Variants in MICALL2 observed in about 807,000 individuals in gnomAD.
The protein encoded by MICALL2 is MICAL-like protein 2.
Under a neutral mutation model 91.1 loss-of-function variants are expected in MICALL2, and 111 were observed. The ratio of observed to expected loss-of-function variants is 1.22; its 90% CI spans 1.04 to 1.43. The LOEUF is 1.43. Among genes scored for constraint, MICALL2 ranks in the 40% most tolerant of loss-of-function variants. MICALL2 has a pLI of 0.00. For missense variants in MICALL2, 1,556 were observed against 1,236.0 expected (o/e 1.26, Z -3.88); for synonymous variants, 694 against 525.3 (o/e 1.32, Z -4.39).
intron 9 of MICALL2, 187 bp from the exon 10 acceptor site, chr7:1,439,182 C>T (rs1780137295): frequency 1.8e-6 from 1 of 564,612 alleles, no homozygotes; most frequent in African/African-American, 1.9e-5. Flanking sequence ...CCATGTCTCC[C>T]CAGGGGGCTA....
intron 2 of MICALL2, 72 bp from the exon 3 acceptor site, chr7:1,448,833 T>G: frequency 1.9e-6 from 3 of 1,571,902 alleles, no homozygotes; most frequent in Non-Finnish European, 2.6e-6. Context: ...GCAGCTCACC[T>G]CGACTCAAAG....
Position 1,437,893 on chromosome 7 carries a change from T to C in MICALL2, c.2399A>G (p.Tyr800Cys), listed in dbSNP as rs1007853427. Reference protein sequence around the residue: ...LLLRQESELMYKSKAQRLEEQ... With the variant: ...LLLRQESELMCKSKAQRLEEQ... ...GGGCCCACGGCTGGGCTCTCACTTGTACATCAGCTCTGACTCCTGTCTCAG... is the reference window on the plus strand; with the variant it reads ...GGGCCCACGGCTGGGCTCTCACTTGCACATCAGCTCTGACTCCTGTCTCAG... The change falls in exon 13 of 17, where the codon TAC (tyrosine) becomes TGC (cysteine). Residue 800 changes from tyrosine to cysteine, a missense_variant. Tyr to Cys is a radical substitution (Grantham distance 194, BLOSUM62 -2). Coordinates refer to ENST00000297508, the MANE Select transcript of MICALL2 (RefSeq NM_182924.4). 2 of 1,548,888 alleles carry C rather than the reference T, an allele frequency of 1.3e-6. No individual in the cohort carries two copies. The highest frequency in any genetic ancestry group is 1.7e-6 in the Non-Finnish European group (2 of 1,146,748).
At chr7:1,435,919 G>A (rs1024138944) in intron 15 of MICALL2, among the ~76,000 whole-genome samples, 7 of 151,910 alleles carry the variant, frequency 4.6e-5, no homozygotes, top group Non-Finnish European at 1.0e-4. Flanking sequence ...GGGTGTGGTG[G>A]CGGGCGCCTG....
intron 1 of MICALL2, among the ~76,000 whole-genome samples, chr7:1,453,360 G>A (rs987654755): frequency 2.6e-5 from 4 of 152,238 alleles, no homozygotes; most frequent in African/African-American, 7.2e-5. Flanking sequence ...AGGGGAAGAG[G>A]ATGTGAAGGC....
At chr7:1,440,222 T>TG in intron 8 of MICALL2, 137 bp from the exon 9 acceptor site, 1 of 1,015,988 alleles carries the variant, frequency 9.8e-7, no homozygotes, top group South Asian at 1.6e-5. Context: ...CCCAGCCCAC[T>TG]GACTACACCT....
rs1562473937 is a variant in MICALL2, at chr7:1,459,357, C to A, written c.-31G>T. On this transcript the variant is annotated 5_prime_UTR_variant, in exon 1 of 17. Coordinates refer to ENST00000297508, the MANE Select transcript of MICALL2 (RefSeq NM_182924.4). ...CGGCGCGCCCGCCGCGCGGCGGAAC[C>A]GCCCTCCGACACCTTCCCGCGGCTG... 2 of 1,476,010 alleles carry A rather than the reference C, an allele frequency of 1.4e-6. No individual in the cohort carries two copies. The highest frequency in any genetic ancestry group is 1.5e-5 in the African/African-American group (1 of 67,918). The allele number at this position is 1,476,010 out of a possible 1,614,324, so 91.4% of individuals were successfully genotyped here.
Position 1,440,619 on chromosome 7 carries a change from G to C in MICALL2, c.1777C>G (p.Pro593Ala). 6.2e-7 allele frequency: 1 copy of C among 1,612,714 alleles called. No individual in the cohort carries two copies. The highest frequency in any genetic ancestry group is 8.5e-7 in the Non-Finnish European group (1 of 1,179,950). Residue 593 changes from proline to alanine, a missense_variant, in exon 8 of 17, where the codon CCC becomes GCC. Transcript: ENST00000297508. ...GPAGWRANLK[P>A]VDRRSPAERT... is the part of the protein sequence containing the mutation. ...TCAGCTGGGCTTCTCCTGTCCACGGGCTTCAGATTCGCTCTCCATCCTGCC... is the reference window on the plus strand; with the variant it reads ...TCAGCTGGGCTTCTCCTGTCCACGGCCTTCAGATTCGCTCTCCATCCTGCC...
intron 1 of MICALL2, among the ~76,000 whole-genome samples, chr7:1,454,684 C>T (rs1780951211): frequency 6.6e-6 from 1 of 152,216 alleles, no homozygotes; most frequent in Non-Finnish European, 1.5e-5. Flanking sequence ...CAAGCAGCTT[C>T]CTGCTGACCC....
rs902814803 is a variant in MICALL2 at position 1,442,427 on chromosome 7, T to C, written c.1476A>G (p.Gln492=). 2.0e-5 allele frequency: 32 copies of C among 1,568,236 alleles called. No homozygotes were observed. The highest frequency in any genetic ancestry group is 5.4e-5 in the African/African-American group (4 of 73,762). Residue 492 remains glutamine, a synonymous_variant, in exon 7 of 17, where the codon CAA becomes CAG. Coordinates refer to ENST00000297508, the MANE Select transcript of MICALL2 (RefSeq NM_182924.4). The part of the protein sequence containing the change: ...PSSQPKTEAP[Q]ASPLAKPLQS... ...GTAACGGCTTGGCTAAGGGACTTGC[T>C]TGTGGTGCTTCAGTTTTGGGCTGAG...
intron 1 of MICALL2, among the ~76,000 whole-genome samples, chr7:1,456,123 C>A (rs373619918): frequency 1.3e-4 from 19 of 151,998 alleles, no homozygotes; most frequent in African/African-American, 3.9e-4. Context: ...GAGGCAGGCA[C>A]GTCCAAAGAG....
intron 8 of MICALL2, 36 bp from the exon 9 acceptor site, chr7:1,440,121 C>G (rs1322225917): frequency 1.3e-6 from 2 of 1,556,410 alleles, no homozygotes. Context: ...CCCGAACCAC[C>G]AGCCCCAGGG....
intron 15 of MICALL2, among the ~76,000 whole-genome samples, chr7:1,436,335 T>C (rs1779962685): frequency 6.6e-6 from 1 of 151,396 alleles, no homozygotes; most frequent in Admixed American, 6.6e-5. Flanking sequence ...TGAGCCAAGA[T>C]CGCACCACTA....
chr7:1,435,059 C>T, intron 16 of MICALL2, 42 bp downstream of exon 16: 1 of 1,606,974 alleles, frequency 6.2e-7, no homozygotes, highest in South Asian at 1.1e-5. Context: ...CCCGGCCCAC[C>T]CAGCCAGCCA....
chr7:1,446,060 GAC>G (rs1780561724), intron 5 of MICALL2, among the ~76,000 whole-genome samples: 1 of 143,870 alleles, frequency 7.0e-6, no homozygotes, highest in African/African-American at 2.6e-5. Flanking sequence ...GGCACTGGGG[GAC>G]ACTGGGGCTT....
rs896181524 is a variant in MICALL2 at position 1,441,965 on chromosome 7, C to T, written c.1711+227G>A. 5 of 589,240 alleles carry T rather than the reference C, an allele frequency of 8.5e-6. No homozygotes were observed. The African/African-American group carries it at 9.4e-5, about 11-fold the overall frequency. 36.5% of individuals were successfully genotyped at this position (589,240 alleles called of 1,614,324 possible). On this transcript the variant is annotated intron_variant, in intron 7 of 16. Coordinates refer to ENST00000297508, the MANE Select transcript of MICALL2 (RefSeq NM_182924.4). ...CTGCAGGACGTGCGGATGGGGTGGGCTGGGTGCCGGCAAACAGCATAGCCC... is the reference window on the plus strand; with the variant it reads ...CTGCAGGACGTGCGGATGGGGTGGGTTGGGTGCCGGCAAACAGCATAGCCC...
intron 1 of MICALL2, among the ~76,000 whole-genome samples, chr7:1,457,897 G>C (rs1022252080): frequency 6.6e-6 from 1 of 152,232 alleles, no homozygotes. Flanking sequence ...TCCCCATTCC[G>C]GGTCCTTCTC....
chr7:1,447,619 C>G lies in MICALL2; in HGVS notation c.481G>C (p.Val161Leu). ...PLSPAQTNPVVQRRNEGAGGP... is the reference protein window; with the variant it reads ...PLSPAQTNPVLQRRNEGAGGP... ...CCTGCACCCTCATTCCTCCTCTGGA[C>G]CACAGGGTTTGTCTGGGCTGGAGAT... The change falls in exon 4 of 17, where the codon GTC becomes CTC. Residue 161 changes from valine to leucine, a missense_variant. Transcript: ENST00000297508. 3 of 1,597,830 alleles carry G rather than the reference C, an allele frequency of 1.9e-6. No individual in the cohort carries two copies. The South Asian group carries it at 3.4e-5, about 18-fold the overall frequency.
chr7:1,434,724 C>G (rs372218830), intron 16 of MICALL2, 52 bp from the exon 17 acceptor site: 8 of 1,494,130 alleles, frequency 5.4e-6, no homozygotes, highest in Admixed American at 4.6e-5. Context: ...GCCGCACAGC[C>G]GTGGCCCACA....
At chr7:1,453,541 G>T (rs1293706795) in intron 1 of MICALL2, among the ~76,000 whole-genome samples, 2 of 152,070 alleles carry the variant, frequency 1.3e-5, no homozygotes, top group East Asian at 3.9e-4. Context: ...ACCTTGCAAG[G>T]GCAGCTTGAG....
Sources: allele counts gnomAD v4.1 joint callset (sites outside exome capture counted in the v4.1 genomes callset), GRCh38; gene constraint gnomAD v4.1.1; transcripts MANE v1.5; gene names NCBI Gene and HGNC (gene_info 2026-07-23, HGNC 2026-07-21).